The following TRPM6 variants were observed in gnomAD, a reference collection of about 807,000 sequenced individuals.
TRPM6 encodes transient receptor potential cation channel subfamily M member 6, also known as channel kinase 2.
A neutral mutation model predicts 247.6 loss-of-function variants in TRPM6; 111 were observed. The observed-to-expected ratio is 0.45, with a 90% CI of 0.38 to 0.52. The LOEUF is 0.52. TRPM6 is among the 20% of genes least tolerant of loss of function. The pLI is 0.00. For missense variants in TRPM6, 2,126 were observed against 2,421.5 expected, an observed-to-expected ratio of 0.88 and a Z score of 2.56; for synonymous variants, 892 against 853.8, an observed-to-expected ratio of 1.04 and a Z score of -0.78.
At chr9:74,731,420 A>T (rs1204836625) in intron 37 of TRPM6, among the ~76,000 whole-genome samples, 1 of 152,058 alleles carries the variant, frequency 6.6e-6, no homozygotes, top group Non-Finnish European at 1.5e-5. Context: ...GTCTTTATGT[A>T]TATAAGAGTG....
chr9:74,812,109 T>C (rs1467252256), intron 12 of TRPM6, among the ~76,000 whole-genome samples, 190 bp downstream of exon 12: 1 of 152,216 alleles, frequency 6.6e-6, no homozygotes, highest in Non-Finnish European at 1.5e-5. Context: ...TTTGAAGATG[T>C]ACAGAAATTC....
chr9:74,758,160 T>C (rs1826497726), intron 27 of TRPM6, among the ~76,000 whole-genome samples: 1 of 152,186 alleles, frequency 6.6e-6, no homozygotes, highest in African/African-American at 2.4e-5. Flanking sequence ...TTAAAAGCTT[T>C]CCCACAAAGA....
At chr9:74,766,239 G>T (rs12006040) in intron 25 of TRPM6, among the ~76,000 whole-genome samples, 15,591 of 152,162 alleles carry the variant, frequency 0.1, 910 homozygotes, top group South Asian at 0.22. Flanking sequence ...CTCAAATCAG[G>T]TCCCTTGCTT....
intron 23 of TRPM6, among the ~76,000 whole-genome samples, chr9:74,781,354 G>A (rs1827436446): frequency 1.3e-5 from 2 of 151,694 alleles, no homozygotes; most frequent in Admixed American, 6.6e-5. Context: ...TGGTCAACAC[G>A]GTGAAACCCC....
Position 74,784,851 on chromosome 9 carries a change from C to A in TRPM6, c.2919+1023G>T, listed in dbSNP as rs117660078. On this transcript the variant is annotated intron_variant, in intron 21 of 38. Coordinates refer to ENST00000360774, the MANE Select transcript of TRPM6 (RefSeq NM_017662.5). ...AGATAGCGAGGCACAATGGCTCATGCCTGTAATCCCAGCATTTTGGGAGGC... is the reference window on the plus strand; with the variant it reads ...AGATAGCGAGGCACAATGGCTCATGACTGTAATCCCAGCATTTTGGGAGGC... Among the ~76,000 whole-genome samples, 787 of 152,304 alleles carry A rather than the reference C, an allele frequency of 5.2e-3. 33 individuals are homozygous for A. The East Asian group carries it at 0.11, about 21-fold the overall frequency.
chr9:74,769,506 A>C (rs887826316), intron 25 of TRPM6, among the ~76,000 whole-genome samples: 8 of 152,052 alleles, frequency 5.3e-5, no homozygotes, highest in Non-Finnish European at 1.2e-4. Flanking sequence ...TGCCTGTAAT[A>C]CCAGCACTGT....
chr9:74,740,968 C>T (rs2118742294), intron 33 of TRPM6, among the ~76,000 whole-genome samples: 2 of 152,276 alleles, frequency 1.3e-5, no homozygotes, highest in Middle Eastern at 3.4e-3. Flanking sequence ...CCTCTCCTTC[C>T]TTCCCTTGTG....
intron 19 of TRPM6, among the ~76,000 whole-genome samples, chr9:74,790,154 T>C (rs1479262053): frequency 6.6e-6 from 1 of 152,070 alleles, no homozygotes; most frequent in Non-Finnish European, 1.5e-5. Flanking sequence ...ACATAGAGAA[T>C]AGCTTAAACC....
intron 18 of TRPM6, 119 bp downstream of exon 18, chr9:74,796,622 G>T: frequency 9.7e-7 from 1 of 1,032,960 alleles, no homozygotes; most frequent in Non-Finnish European, 1.5e-6. Flanking sequence ...TCACAGGCCT[G>T]AAATATAGGC....
intron 32 of TRPM6, 138 bp from the exon 33 acceptor site, chr9:74,742,764 T>G: frequency 2.6e-6 from 2 of 769,930 alleles, no homozygotes; most frequent in Non-Finnish European, 4.3e-6. Context: ...AAAAATATAA[T>G]CTATAATACA....
chr9:74,728,089 T>C, intron 38 of TRPM6, 150 bp downstream of exon 38: 1 of 728,124 alleles, frequency 1.4e-6, no homozygotes, highest in Non-Finnish European at 2.4e-6. Flanking sequence ...CTTTAGAGAC[T>C]TGAAAATTTT....
rs577562437 is a variant in TRPM6, at chr9:74,862,096, GAAA to G, written c.34-3351_34-3349del. ...CGGTTATCTTATCTCAAAACTACCAGAAAAAAAAAAAAAAAAAAAAAGCAGCCT... is the reference window on the plus strand; with the variant it reads ...CGGTTATCTTATCTCAAAACTACCAGAAAAAAAAAAAAAAAAAAGCAGCCT... On this transcript the variant is annotated intron_variant, in intron 1 of 38. Transcript: ENST00000360774. Among the ~76,000 whole-genome samples, 745 of 100,524 alleles carry G rather than the reference GAAA, an allele frequency of 7.4e-3. 9 individuals are homozygous for G. The highest frequency in any genetic ancestry group is 0.028 in the African/African-American group (699 of 25,052). 65.9% of individuals were successfully genotyped at this position (100,524 alleles called of 152,430 possible). A position where few individuals can be genotyped will look rare whatever the true frequency, so the allele number is the denominator to read the frequency against.
In TRPM6 at chr9:74,834,009, T is replaced by C. The variant is rs765745594; in HGVS notation, c.658A>G (p.Ile220Val). The change falls in exon 6 of 39, where the codon ATT becomes GTT. Residue 220 changes from isoleucine (I) to valine (V), a missense_variant. Physicochemically the swap from Ile to Val is conservative, Grantham distance 29. Coordinates refer to ENST00000360774, the MANE Select transcript of TRPM6 (RefSeq NM_017662.5). The stretch of plus-strand genomic sequence containing the variant: ...GATTGTCTACTTACATCTTTTCCAA[T>C]AAGGTCTCTCTGGTTCTCAATGACA... ...WGVIENQRDL[I>V]GKDVVCLYQT... 1 of 1,613,892 alleles carries C rather than the reference T, an allele frequency of 6.2e-7. No individual in the cohort carries two copies. Among genetic ancestry groups the C allele is most frequent in the South Asian group, 1.1e-5 (1 of 91,084 alleles).
At chr9:74,823,037 T>C (rs1032601156) in intron 7 of TRPM6, among the ~76,000 whole-genome samples, 1 of 152,238 alleles carries the variant, frequency 6.6e-6, no homozygotes, top group Non-Finnish European at 1.5e-5. Context: ...ATTTGCTTTA[T>C]GTTTTCACAC....
Position 74,762,573 on chromosome 9 carries a change from T to A in TRPM6, c.4098A>T (p.Arg1366Ser). 6.2e-7 allele frequency: 1 copy of A among 1,614,094 alleles called. No homozygotes were observed. Among genetic ancestry groups the A allele is most frequent in the Non-Finnish European group, 8.5e-7 (1 of 1,180,020 alleles). The change falls in exon 26 of 39, where the codon AGA becomes AGT. Residue 1366 changes from arginine (R) to serine (S), a missense_variant. Physicochemically the swap from Arg to Ser is moderately radical, Grantham distance 110. Coordinates refer to ENST00000360774, the MANE Select transcript of TRPM6 (RefSeq NM_017662.5). Reference sequence around the variant, plus strand: ...TTGCCAGCACATCTGGCACAGAGGGTCTGGACAGAGGCAAGACAGTTTCTG... The same window carrying A: ...TTGCCAGCACATCTGGCACAGAGGGACTGGACAGAGGCAAGACAGTTTCTG... ...FSAETVLPLS[R>S]PSVPDVLATE...
chr9:74,800,199 A>T, intron 17 of TRPM6, 55 bp downstream of exon 17: 1 of 1,518,656 alleles, frequency 6.6e-7, no homozygotes, highest in Non-Finnish European at 9.1e-7. Flanking sequence ...ACTCGAGTAC[A>T]GAATTTTATA....
At chr9:74,797,822 A>T (rs576394306) in intron 17 of TRPM6, among the ~76,000 whole-genome samples, 45 of 152,292 alleles carry the variant, frequency 3.0e-4, no homozygotes, top group African/African-American at 1.1e-3. Flanking sequence ...TGCTTTAATA[A>T]TATTTTAAAG....
intron 23 of TRPM6, among the ~76,000 whole-genome samples, chr9:74,777,667 T>TC (rs1473001363): frequency 6.6e-6 from 1 of 151,972 alleles, no homozygotes; most frequent in African/African-American, 2.4e-5. Flanking sequence ...AGGCCAAGAG[T>TC]CCATAGGCTC....
intron 35 of TRPM6, 22 bp from the exon 36 acceptor site, chr9:74,738,634 T>C (rs766800415): frequency 6.2e-6 from 10 of 1,608,970 alleles, no homozygotes; most frequent in African/African-American, 2.7e-5. Context: ...AAAGAGGCCA[T>C]TGATCCCCCA....
Sources: gnomAD v4.1 joint callset for allele counts (sites outside exome capture counted in the v4.1 genomes callset) on GRCh38, gnomAD v4.1.1 for gene constraint, MANE v1.5 for transcripts, NCBI Gene and HGNC (gene_info 2026-07-23, HGNC 2026-07-21) for gene names.